The following RPS6KC1 variants were observed in gnomAD, a reference collection of about 807,000 sequenced individuals.
RPS6KC1 encodes the protein ribosomal protein S6 kinase C1, also known as inactive ribosomal protein S6 kinase delta-1.
RPS6KC1 carries 54 observed loss-of-function variants against 103.8 expected under a neutral mutation model. That is an observed-to-expected ratio of 0.52 (90% CI 0.42 to 0.65). RPS6KC1 has a LOEUF of 0.65. RPS6KC1 is among the 30% of genes least tolerant of loss of function. RPS6KC1 has a pLI of 0.00. For synonymous variants in RPS6KC1, 439 were observed against 438.7 expected (o/e 1.00, Z -0.01); for missense variants, 1,151 against 1,253.8 (o/e 0.92, Z 1.24).
the RPS6KC1 span, among the ~76,000 whole-genome samples, chr1:213,614,050 C>T: frequency 2.0e-5 from 3 of 152,230 alleles, no homozygotes; most frequent in Non-Finnish European, 2.9e-5. Context: ...CTCATTATTT[C>T]TGGACGTGTG....
At chr1:213,423,474 C>T in the RPS6KC1 span, among the ~76,000 whole-genome samples, 6 of 152,312 alleles carry the variant, frequency 3.9e-5, no homozygotes, top group East Asian at 1.2e-3. Flanking sequence ...GTCAGCTCAT[C>T]GCCCAGATTT....
chr1:213,149,057 ATTC>A (rs1420473008), intron 6 of RPS6KC1, among the ~76,000 whole-genome samples: 1 of 151,840 alleles, frequency 6.6e-6, no homozygotes, highest in African/African-American at 2.4e-5. Flanking sequence ...TTATTTGTAT[ATTC>A]TTTTTTTTTC....
the RPS6KC1 span, among the ~76,000 whole-genome samples, chr1:213,582,237 C>T: frequency 2.2e-3 from 337 of 152,164 alleles, no homozygotes; most frequent in African/African-American, 7.5e-3. Flanking sequence ...ACATAGGGTG[C>T]CACCTGTCTG....
chr1:213,782,551 G>T, the RPS6KC1 span, among the ~76,000 whole-genome samples: 1 of 152,080 alleles, frequency 6.6e-6, no homozygotes, highest in Non-Finnish European at 1.5e-5. Flanking sequence ...AAAGCAAGCA[G>T]TTAAAAAGTA....
intron 12 of RPS6KC1, among the ~76,000 whole-genome samples, chr1:213,247,791 A>C (rs1400210909): frequency 6.6e-6 from 1 of 152,202 alleles, no homozygotes; most frequent in Non-Finnish European, 1.5e-5. Context: ...ATTGAAGTTC[A>C]TCATATTAAG....
the RPS6KC1 span, among the ~76,000 whole-genome samples, chr1:213,410,721 G>T: frequency 6.6e-6 from 1 of 152,162 alleles, no homozygotes; most frequent in Non-Finnish European, 1.5e-5. Flanking sequence ...GGAAGTGATT[G>T]AAGGGGTGGA....
intron 5 of RPS6KC1, among the ~76,000 whole-genome samples, chr1:213,128,273 A>G (rs900440889): frequency 2.0e-5 from 3 of 152,202 alleles, no homozygotes; most frequent in Non-Finnish European, 4.4e-5. Flanking sequence ...AAACAATGCC[A>G]CTTCTTTCAC....
At chr1:213,222,574 G>C (rs2093862673) in intron 8 of RPS6KC1, among the ~76,000 whole-genome samples, 1 of 152,160 alleles carries the variant, frequency 6.6e-6, no homozygotes, top group African/African-American at 2.4e-5. Flanking sequence ...AGGGAACATT[G>C]CTGGCCTTCT....
chr1:213,231,489 A>T (rs539084296), intron 9 of RPS6KC1, among the ~76,000 whole-genome samples: 22 of 152,334 alleles, frequency 1.4e-4, no homozygotes, highest in African/African-American at 5.3e-4. Context: ...AGGTGAATTT[A>T]TTAATTTTAT....
chr1:213,738,031 G>A, the RPS6KC1 span, among the ~76,000 whole-genome samples: 2 of 152,118 alleles, frequency 1.3e-5, no homozygotes, highest in Non-Finnish European at 2.9e-5. Context: ...TTTATCCAAG[G>A]TTACTTGGTA....
chr1:213,675,808 C>T, the RPS6KC1 span, among the ~76,000 whole-genome samples: 15 of 152,264 alleles, frequency 9.9e-5, no homozygotes, highest in Admixed American at 2.0e-4. Flanking sequence ...ACCCAGGAGG[C>T]GGAGGTGGTA....
the RPS6KC1 span, among the ~76,000 whole-genome samples, chr1:213,366,519 CCA>C: frequency 2.0e-5 from 3 of 152,174 alleles, no homozygotes; most frequent in Non-Finnish European, 2.9e-5. Flanking sequence ...GCTTTGTGGG[CCA>C]CACAGTCTCC....
the RPS6KC1 span, among the ~76,000 whole-genome samples, chr1:213,381,863 G>GGGGA: frequency 7.9e-5 from 12 of 152,312 alleles, no homozygotes; most frequent in Non-Finnish European, 1.5e-4. Flanking sequence ...GCCTGCAGGA[G>GGGGA]GGGAGACTTG....
intron 1 of RPS6KC1, among the ~76,000 whole-genome samples, chr1:213,069,296 T>A (rs896817236): frequency 1.3e-5 from 2 of 152,166 alleles, no homozygotes; most frequent in African/African-American, 2.4e-5. Context: ...TTCTGAAAGT[T>A]GGAGAATAGA....
At chr1:213,221,388 C>T (rs2093828297) in intron 8 of RPS6KC1, among the ~76,000 whole-genome samples, 1 of 152,100 alleles carries the variant, frequency 6.6e-6, no homozygotes, top group Non-Finnish European at 1.5e-5. Context: ...CGTCATCCCC[C>T]TTATGCTGAC....
the RPS6KC1 span, among the ~76,000 whole-genome samples, chr1:213,370,387 T>A: frequency 6.6e-6 from 1 of 152,112 alleles, no homozygotes; most frequent in Non-Finnish European, 1.5e-5. Flanking sequence ...ACATAATTAG[T>A]GCTCAGTAAG....
chr1:213,146,384 T>A (rs2087828775), intron 6 of RPS6KC1, among the ~76,000 whole-genome samples: 1 of 152,020 alleles, frequency 6.6e-6, no homozygotes, highest in African/African-American at 2.4e-5. Context: ...ATACACTGAT[T>A]TCCTTTCTTT....
the RPS6KC1 span, among the ~76,000 whole-genome samples, chr1:213,501,221 A>G: frequency 4.6e-5 from 7 of 152,348 alleles, no homozygotes; most frequent in Non-Finnish European, 8.8e-5. Flanking sequence ...CAACGGTTGA[A>G]TAATTGAAAT....
the RPS6KC1 span, among the ~76,000 whole-genome samples, chr1:213,372,926 C>T: frequency 6.6e-6 from 1 of 152,020 alleles, no homozygotes; most frequent in African/African-American, 2.4e-5. Context: ...CCTCTTGTTG[C>T]TTGATTGGCT....
Sources: allele counts gnomAD v4.1 joint callset (sites outside exome capture counted in the v4.1 genomes callset), GRCh38; gene constraint gnomAD v4.1.1; transcripts MANE v1.5; gene names NCBI Gene and HGNC (gene_info 2026-07-23, HGNC 2026-07-21).